The following CHST11 variants were observed in gnomAD, a reference collection of about 807,000 sequenced individuals.
CHST11 encodes the protein C4S-1.
CHST11 carries 9 observed loss-of-function variants against 30.4 expected under a neutral mutation model. The observed-to-expected ratio is 0.30, with a 90% CI of 0.18 to 0.52. The LOEUF (loss-of-function observed/expected upper bound fraction) is 0.52. Among genes scored for constraint, CHST11 ranks in the 20% least tolerant of loss-of-function variants. The pLI is 0.97. For missense variants in CHST11, 348 were observed against 460.6 expected (o/e 0.76, Z 2.24); for synonymous variants, 152 against 187.8 (o/e 0.81, Z 1.56).
Position 104,658,893 on chromosome 12 carries a change from G to A in CHST11, c.204+56902G>A, listed in dbSNP as rs566173872. ...AAACAAGGGAACTGAGGCACAGAGA[G>A]ATTTAGTAACTTGCCCAAGGGCACG... On this transcript the variant is annotated intron_variant, in intron 2 of 2. Transcript: ENST00000303694. Among the ~76,000 whole-genome samples the A allele has an allele frequency of 2.0e-5, 3 of 152,390 alleles. No individual in the cohort carries two copies. In the East Asian group the frequency reaches 5.8e-4, roughly 29 times the overall value.
chr12:104,622,842 C>A (rs1054920434), intron 2 of CHST11, among the ~76,000 whole-genome samples: 1 of 152,114 alleles, frequency 6.6e-6, no homozygotes, highest in Non-Finnish European at 1.5e-5. Flanking sequence ...TGTGTAATTG[C>A]GTATTAGCAG....
chr12:104,493,364 G>T (rs780234859), intron 1 of CHST11, among the ~76,000 whole-genome samples: 1 of 152,202 alleles, frequency 6.6e-6, no homozygotes, highest in African/African-American at 2.4e-5. Context: ...AACCAGGTAG[G>T]CCTTGGGCTA....
chr12:104,583,114 C>T (rs1266470889), intron 1 of CHST11, among the ~76,000 whole-genome samples: 1 of 152,046 alleles, frequency 6.6e-6, no homozygotes, highest in Non-Finnish European at 1.5e-5. Context: ...TGGGGCCATG[C>T]CTTCCTGCTT....
chr12:104,592,179 C>G (rs1041510337), intron 1 of CHST11, among the ~76,000 whole-genome samples: 2 of 150,120 alleles, frequency 1.3e-5, no homozygotes, highest in African/African-American at 2.4e-5. Flanking sequence ...TCTCTCTTCT[C>G]CCTTCCCGTC....
intron 1 of CHST11, among the ~76,000 whole-genome samples, chr12:104,473,430 G>T (rs997346912): frequency 2.6e-5 from 4 of 152,176 alleles, no homozygotes; most frequent in East Asian, 1.9e-4. Context: ...GTAAATAGTC[G>T]CAGGGAAGAG....
intron 2 of CHST11, among the ~76,000 whole-genome samples, chr12:104,667,836 C>T (rs1262219775): frequency 6.6e-6 from 1 of 152,200 alleles, no homozygotes; most frequent in East Asian, 1.9e-4. Context: ...AAGCACCTGG[C>T]GAGCTTTCAA....
intron 2 of CHST11, among the ~76,000 whole-genome samples, chr12:104,667,707 G>GTTT (rs2039654345): frequency 6.6e-6 from 1 of 152,190 alleles, no homozygotes; most frequent in South Asian, 2.1e-4. Flanking sequence ...CATCGGTAAA[G>GTTT]CAAGCAAGTC....
At chr12:104,622,897 G>A (rs2039174140) in intron 2 of CHST11, among the ~76,000 whole-genome samples, 2 of 152,222 alleles carry the variant, frequency 1.3e-5, no homozygotes, top group Non-Finnish European at 2.9e-5. Flanking sequence ...TCCCAGTCCA[G>A]TGTTCAGTTC....
At chr12:104,645,501 A>G (rs1452026725) in intron 2 of CHST11, among the ~76,000 whole-genome samples, 2 of 152,040 alleles carry the variant, frequency 1.3e-5, no homozygotes, top group Non-Finnish European at 1.5e-5. Context: ...CTTGTTGGAA[A>G]AGCAACCTGC....
intron 1 of CHST11, among the ~76,000 whole-genome samples, chr12:104,536,987 C>T (rs1449967676): frequency 1.3e-5 from 2 of 152,206 alleles, no homozygotes; most frequent in African/African-American, 2.4e-5. Context: ...ATAACTTTAG[C>T]TCCCAGGGGA....
In CHST11 at chr12:104,758,365, T is replaced by A. The variant is rs1044928159; in HGVS notation, c.*562T>A. On this transcript the variant is annotated 3_prime_UTR_variant, in exon 3 of 3. Transcript: ENST00000303694. ...TGCAAGGGACTCATTCCAAACCAATTCCAATCGACCTGAAAGTCCCTTGCA... is the reference window on the plus strand; with the variant it reads ...TGCAAGGGACTCATTCCAAACCAATACCAATCGACCTGAAAGTCCCTTGCA... 2.0e-5 allele frequency: 3 copies of A among 152,198 alleles called. No individual in the cohort carries two copies. Among genetic ancestry groups the A allele is most frequent in the African/African-American group, 7.2e-5 (3 of 41,438 alleles). 9.4% of individuals were successfully genotyped at this position (152,198 alleles called of 1,614,324 possible).
chr12:104,652,463 T>G (rs528465459), intron 2 of CHST11, among the ~76,000 whole-genome samples: 1 of 152,332 alleles, frequency 6.6e-6, no homozygotes, highest in South Asian at 2.1e-4. Flanking sequence ...GGGAGCAGCA[T>G]GTCTTCAGGC....
intron 2 of CHST11, among the ~76,000 whole-genome samples, chr12:104,741,388 A>G (rs1164232347): frequency 6.6e-6 from 1 of 152,238 alleles, no homozygotes; most frequent in East Asian, 1.9e-4. Context: ...TGCAACATGC[A>G]GAAACGAAAG....
At chr12:104,592,781 C>G (rs2038872630) in intron 1 of CHST11, among the ~76,000 whole-genome samples, 1 of 152,158 alleles carries the variant, frequency 6.6e-6, no homozygotes, top group Non-Finnish European at 1.5e-5. Flanking sequence ...ACTAACCTGT[C>G]AGGTTGACAA....
intron 2 of CHST11, among the ~76,000 whole-genome samples, chr12:104,694,590 C>T (rs1041670988): frequency 6.6e-6 from 1 of 152,138 alleles, no homozygotes; most frequent in African/African-American, 2.4e-5. Flanking sequence ...ATGAGTTTAA[C>T]GAAGCGGGTG....
intron 2 of CHST11, among the ~76,000 whole-genome samples, chr12:104,687,380 G>T (rs774042345): frequency 3.9e-5 from 6 of 152,228 alleles, no homozygotes; most frequent in Non-Finnish European, 8.8e-5. Flanking sequence ...AATAACAATG[G>T]TTCTCATTTA....
intron 1 of CHST11, among the ~76,000 whole-genome samples, chr12:104,562,290 T>C (rs2038521299): frequency 6.6e-6 from 1 of 152,078 alleles, no homozygotes; most frequent in African/African-American, 2.4e-5. Context: ...GAAAACCAGC[T>C]CTAGGTGGAC....
chr12:104,535,685 G>A (rs1389913070), intron 1 of CHST11, among the ~76,000 whole-genome samples: 1 of 152,222 alleles, frequency 6.6e-6, no homozygotes, highest in East Asian at 1.9e-4. Flanking sequence ...GGCGGAATGG[G>A]TGGGAAAGTA....
intron 1 of CHST11, among the ~76,000 whole-genome samples, chr12:104,490,809 A>G (rs984608254): frequency 6.6e-6 from 1 of 152,216 alleles, no homozygotes; most frequent in Non-Finnish European, 1.5e-5. Context: ...TAAAGAGACA[A>G]TATTTTGATC....
Sources: gnomAD v4.1 joint callset for allele counts (sites outside exome capture counted in the v4.1 genomes callset) on GRCh38, gnomAD v4.1.1 for gene constraint, MANE v1.5 for transcripts, NCBI Gene and HGNC (gene_info 2026-07-23, HGNC 2026-07-21) for gene names.